NRG1: variants seen among roughly 807,000 people sequenced by gnomAD.
NRG1 encodes pro-neuregulin-1, membrane-bound isoform.
NRG1 carries 18 observed loss-of-function variants against 63.8 expected under a neutral mutation model. The observed-to-expected ratio is 0.28, with a 90% CI of 0.19 to 0.42. The LOEUF is 0.42. NRG1 is among the 10% of genes least tolerant of loss of function. The pLI is 1.00. For missense variants in NRG1, 762 were observed against 814.7 expected, an observed-to-expected ratio of 0.94 and a Z score of 0.79; for synonymous variants, 302 against 301.3, an observed-to-expected ratio of 1.00 and a Z score of -0.02.
At chr8:32,632,748 T>C (rs1850567810) in intron 5 of NRG1, among the ~76,000 whole-genome samples, 1 of 152,172 alleles carries the variant, frequency 6.6e-6, no homozygotes, top group African/African-American at 2.4e-5. Context: ...ATCCTGATCA[T>C]TTTATTATTG....
At chr8:32,674,322 G>A (rs911222227) in intron 5 of NRG1, among the ~76,000 whole-genome samples, 1 of 152,156 alleles carries the variant, frequency 6.6e-6, no homozygotes, top group African/African-American at 2.4e-5. Context: ...CATAACTGAA[G>A]CTCATTAGTC....
intron 1 of NRG1, among the ~76,000 whole-genome samples, chr8:32,499,922 T>C (rs1827661559): frequency 6.6e-6 from 1 of 151,974 alleles, no homozygotes; most frequent in East Asian, 1.9e-4. Context: ...GTCACAAGGG[T>C]GAGAGAAGAC....
chr8:32,288,561 T>G (rs1417686504), intron 1 of NRG1, among the ~76,000 whole-genome samples: 1 of 152,184 alleles, frequency 6.6e-6, no homozygotes, highest in African/African-American at 2.4e-5. Flanking sequence ...TCGAGTGTAG[T>G]CTGATTCCAG....
chr8:32,115,118 C>T (rs1832546032), intron 1 of NRG1, among the ~76,000 whole-genome samples: 1 of 151,806 alleles, frequency 6.6e-6, no homozygotes, highest in South Asian at 2.1e-4. Context: ...GCAACCTTTG[C>T]CTCCCGGGTT....
intron 5 of NRG1, among the ~76,000 whole-genome samples, chr8:32,673,906 A>C (rs999609818): frequency 2.0e-5 from 3 of 152,308 alleles, no homozygotes; most frequent in East Asian, 3.9e-4. Flanking sequence ...AAGGTTCTTC[A>C]TGTGGCTGGA....
intron 1 of NRG1, among the ~76,000 whole-genome samples, chr8:32,387,969 G>A (rs1055140030): frequency 4.6e-5 from 7 of 152,178 alleles, no homozygotes; most frequent in Admixed American, 1.3e-4. Context: ...AGCTTGTTAC[G>A]ATTCAGTCAC....
chr8:31,858,226 G>A (rs1048619991), intron 1 of NRG1, among the ~76,000 whole-genome samples: 12 of 151,942 alleles, frequency 7.9e-5, no homozygotes, highest in African/African-American at 2.7e-4. Context: ...GTGAAACTGG[G>A]AGGTGGAGCT....
intron 1 of NRG1, among the ~76,000 whole-genome samples, chr8:32,371,943 C>T (rs796229456): frequency 9.3e-5 from 14 of 151,004 alleles, no homozygotes; most frequent in African/African-American, 2.7e-4. Flanking sequence ...TTGTGAGATA[C>T]GATTTACCAC....
At chr8:31,800,152 T>C (rs568298040) in intron 1 of NRG1, among the ~76,000 whole-genome samples, 4 of 152,348 alleles carry the variant, frequency 2.6e-5, no homozygotes, top group Admixed American at 1.3e-4. Context: ...TAAGATCATC[T>C]TCAGCTGAAT....
intron 1 of NRG1, among the ~76,000 whole-genome samples, chr8:31,896,880 T>C (rs1165122806): frequency 2.0e-5 from 3 of 152,234 alleles, no homozygotes; most frequent in Non-Finnish European, 4.4e-5. Context: ...GTGTCTTCTT[T>C]GCTTAACTGT....
intron 5 of NRG1, among the ~76,000 whole-genome samples, chr8:32,724,377 T>C (rs1821501274): frequency 6.6e-6 from 1 of 152,190 alleles, no homozygotes; most frequent in African/African-American, 2.4e-5. Flanking sequence ...TCCAAATCTT[T>C]AGTTTACCTT....
intron 1 of NRG1, among the ~76,000 whole-genome samples, chr8:32,064,163 GA>G (rs1824356073): frequency 6.6e-6 from 1 of 152,050 alleles, no homozygotes; most frequent in Non-Finnish European, 1.5e-5. Context: ...TTTGGGGTAA[GA>G]GCTATCTTGC....
At chr8:32,037,546 C>G (rs1178731930) in intron 1 of NRG1, among the ~76,000 whole-genome samples, 1 of 152,168 alleles carries the variant, frequency 6.6e-6, no homozygotes, top group African/African-American at 2.4e-5. Context: ...ATTGTTGATT[C>G]ACGATACCGC....
At chr8:32,632,299 T>G (rs1256486594) in intron 5 of NRG1, among the ~76,000 whole-genome samples, 1 of 152,134 alleles carries the variant, frequency 6.6e-6, no homozygotes, top group Non-Finnish European at 1.5e-5. Flanking sequence ...ACACCTGTAA[T>G]CCCAGCACTT....
Position 32,755,410 on chromosome 8 carries a change from C to G in NRG1, c.794+936C>G, listed in dbSNP as rs112842406. Among the ~76,000 whole-genome samples, 219 of 152,162 alleles carry G rather than the reference C, an allele frequency of 1.4e-3. 1 individual carries two copies. Among genetic ancestry groups the G allele is most frequent in the African/African-American group, 5.2e-3 (214 of 41,510 alleles). On this transcript the variant is annotated intron_variant, in intron 8 of 11. Coordinates refer to ENST00000356819, the Ensembl canonical transcript of NRG1. Reference sequence around the variant, plus strand: ...GAAGAAAAATAATATGCTTTTATGCCACAAAATCCAAAGCATGGATTGTAT... The same window carrying G: ...GAAGAAAAATAATATGCTTTTATGCGACAAAATCCAAAGCATGGATTGTAT...
chr8:32,308,902 T>TG (rs1350545014), intron 1 of NRG1, among the ~76,000 whole-genome samples: 1 of 152,196 alleles, frequency 6.6e-6, no homozygotes, highest in Non-Finnish European at 1.5e-5. Context: ...CTCTATGGCC[T>TG]GGGGAGATCT....
chr8:31,742,441 C>G (rs1050122738), intron 1 of NRG1, among the ~76,000 whole-genome samples: 1 of 91,276 alleles, frequency 1.1e-5, no homozygotes, highest in Non-Finnish European at 2.3e-5. Flanking sequence ...CAACGACAGA[C>G]AACTTTTTTA....
intron 1 of NRG1, among the ~76,000 whole-genome samples, chr8:32,126,501 G>A (rs952706224): frequency 1.4e-4 from 21 of 151,828 alleles, no homozygotes; most frequent in African/African-American, 4.8e-4. Context: ...AGCTGTTGGG[G>A]TTTAGAGCTC....
chr8:31,782,966 A>C (rs551601333), intron 1 of NRG1, among the ~76,000 whole-genome samples: 1 of 152,248 alleles, frequency 6.6e-6, no homozygotes, highest in Non-Finnish European at 1.5e-5. Context: ...ATAGCAAAGA[A>C]CTGAAGTGCT....
Sources: gnomAD v4.1 joint callset for allele counts (sites outside exome capture counted in the v4.1 genomes callset) on GRCh38, gnomAD v4.1.1 for gene constraint, MANE v1.5 for transcripts, NCBI Gene and HGNC (gene_info 2026-07-23, HGNC 2026-07-21) for gene names.